The following CSMD1 variants were observed in gnomAD, a reference collection of about 807,000 sequenced individuals.
CSMD1 encodes CUB and sushi domain-containing protein 1.
Under a neutral mutation model 417.5 loss-of-function variants are expected in CSMD1, and 213 were observed. The ratio of observed to expected loss-of-function variants is 0.51; its 90% CI spans 0.46 to 0.57. The LOEUF (loss-of-function observed/expected upper bound fraction) is 0.57. Among genes scored for constraint, CSMD1 ranks in the 20% least tolerant of loss-of-function variants. CSMD1 has a pLI of 0.00. For synonymous variants in CSMD1, 2,862 were observed against 1,736.8 expected, an observed-to-expected ratio of 1.65 and a Z score of -16.11; for missense variants, 6,923 against 4,529.7, an observed-to-expected ratio of 1.53 and a Z score of -15.17.
At chr8:3,736,571 C>A (rs1796530636) in intron 6 of CSMD1, among the ~76,000 whole-genome samples, 1 of 152,168 alleles carries the variant, frequency 6.6e-6, no homozygotes, top group Non-Finnish European at 1.5e-5. Context: ...CTACCACCTG[C>A]CTCACCATGG....
chr8:4,348,679 C>T (rs963484953), intron 3 of CSMD1, among the ~76,000 whole-genome samples: 12 of 150,858 alleles, frequency 8.0e-5, no homozygotes, highest in African/African-American at 2.2e-4. Context: ...GACTCTTTTG[C>T]GTACATATCC....
intron 11 of CSMD1, among the ~76,000 whole-genome samples, chr8:3,477,899 G>C (rs1376708329): frequency 6.6e-6 from 1 of 152,166 alleles, no homozygotes; most frequent in Non-Finnish European, 1.5e-5. Flanking sequence ...GGCCAGGGCA[G>C]GTGGAAAAGA....
At chr8:3,938,290 C>T (rs1349322846) in intron 5 of CSMD1, among the ~76,000 whole-genome samples, 1 of 152,096 alleles carries the variant, frequency 6.6e-6, no homozygotes, top group Admixed American at 6.6e-5. Flanking sequence ...GAAAAAACTG[C>T]ATGCTGGAGT....
chr8:3,628,476 G>A (rs1796603526), intron 7 of CSMD1, among the ~76,000 whole-genome samples: 1 of 152,198 alleles, frequency 6.6e-6, no homozygotes, highest in South Asian at 2.1e-4. Context: ...AATCCTTAAG[G>A]ATTACTTCTT....
At chr8:3,728,687 G>A (rs997331259) in intron 6 of CSMD1, among the ~76,000 whole-genome samples, 2 of 152,178 alleles carry the variant, frequency 1.3e-5, no homozygotes, top group Middle Eastern at 6.8e-3. Flanking sequence ...TAGAAAGAGT[G>A]CTCTTGTAAT....
intron 5 of CSMD1, among the ~76,000 whole-genome samples, chr8:3,867,524 G>C (rs1805185568): frequency 6.6e-6 from 1 of 152,090 alleles, no homozygotes; most frequent in African/African-American, 2.4e-5. Flanking sequence ...GTTTTAATGT[G>C]TCCCAGACAA....
chr8:3,850,702 A>C (rs1217366497), intron 5 of CSMD1, among the ~76,000 whole-genome samples: 1 of 152,140 alleles, frequency 6.6e-6, no homozygotes, highest in East Asian at 1.9e-4. Flanking sequence ...CTCAAAAAAT[A>C]AATATAAATA....
chr8:3,520,574 A>T (rs1797465946), intron 10 of CSMD1, among the ~76,000 whole-genome samples: 1 of 152,134 alleles, frequency 6.6e-6, no homozygotes, highest in South Asian at 2.1e-4. Context: ...CGTACATTTA[A>T]CCTTTAAAAC....
intron 1 of CSMD1, among the ~76,000 whole-genome samples, chr8:4,921,400 T>A (rs1585332607): frequency 6.6e-6 from 1 of 152,212 alleles, no homozygotes; most frequent in South Asian, 2.1e-4. Flanking sequence ...ATGAAACATG[T>A]ATAATGTGAA....
intron 1 of CSMD1, among the ~76,000 whole-genome samples, chr8:4,951,691 T>G (rs1808759980): frequency 6.6e-6 from 1 of 151,870 alleles, no homozygotes; most frequent in Non-Finnish European, 1.5e-5. Flanking sequence ...TGAGGAATCC[T>G]TGGCTGTGGT....
At chr8:4,443,230 G>C (rs577211659) in intron 2 of CSMD1, among the ~76,000 whole-genome samples, 1 of 152,118 alleles carries the variant, frequency 6.6e-6, no homozygotes, top group Non-Finnish European at 1.5e-5. Context: ...TGTAATTAAT[G>C]TGTTTTAAGA....
At chr8:3,611,727 T>C (rs1339614732) in intron 8 of CSMD1, among the ~76,000 whole-genome samples, 2 of 152,148 alleles carry the variant, frequency 1.3e-5, no homozygotes, top group East Asian at 1.9e-4. Flanking sequence ...AAATGTATTT[T>C]TGTAAATAAT....
intron 1 of CSMD1, among the ~76,000 whole-genome samples, chr8:4,881,696 C>G (rs970320566): frequency 5.3e-5 from 8 of 152,064 alleles, no homozygotes; most frequent in African/African-American, 1.9e-4. Flanking sequence ...AACCTCAGCC[C>G]TTCCACTTGA....
At position 3,710,921 on chromosome 8, in the gene CSMD1, G is replaced by A. The variant is rs566129957; in HGVS notation, c.932-2430C>T. Among the ~76,000 whole-genome samples, 19 of 152,286 alleles carry A rather than the reference G, an allele frequency of 1.2e-4. No individual in the cohort carries two copies. The East Asian group carries it at 3.3e-3, about 26-fold the overall frequency. On this transcript the variant is annotated intron_variant, in intron 6 of 69. Transcript: ENST00000635120. ...GAGACAGGAGGGCAGGGCTGCAGGA[G>A]CTGGTCCACCTGGAAGGAGGAGGGT...
intron 5 of CSMD1, among the ~76,000 whole-genome samples, chr8:3,792,723 A>T (rs1799820110): frequency 6.6e-6 from 1 of 152,192 alleles, no homozygotes; most frequent in Non-Finnish European, 1.5e-5. Flanking sequence ...TTGGTGAAAG[A>T]GTTTCAACCA....
intron 12 of CSMD1, among the ~76,000 whole-genome samples, chr8:3,417,829 TG>T (rs145753100): frequency 0.1 from 15,839 of 152,206 alleles, 895 homozygotes; most frequent in African/African-American, 0.13. Context: ...CTACAGACCC[TG>T]TTTTTTGGAG....
intron 3 of CSMD1, among the ~76,000 whole-genome samples, chr8:4,320,292 G>A (rs926235605): frequency 6.6e-6 from 1 of 152,120 alleles, no homozygotes; most frequent in Non-Finnish European, 1.5e-5. Context: ...ATGAATACAA[G>A]AGTGTTCACC....
intron 12 of CSMD1, among the ~76,000 whole-genome samples, chr8:3,431,183 G>A (rs1055097218): frequency 6.6e-6 from 1 of 152,110 alleles, no homozygotes; most frequent in African/African-American, 2.4e-5. Flanking sequence ...GAGGGATGAT[G>A]GAGATTAGGA....
chr8:3,702,610 C>T (rs952260143), intron 7 of CSMD1, among the ~76,000 whole-genome samples: 10 of 152,282 alleles, frequency 6.6e-5, no homozygotes, highest in East Asian at 3.9e-4. Flanking sequence ...GCAGGCAGAT[C>T]GCCTGAGGTC....
Sources: gnomAD v4.1 joint callset for allele counts (sites outside exome capture counted in the v4.1 genomes callset) on GRCh38, gnomAD v4.1.1 for gene constraint, MANE v1.5 for transcripts, NCBI Gene and HGNC (gene_info 2026-07-23, HGNC 2026-07-21) for gene names.